Variants in UBR4 observed in about 807,000 individuals in gnomAD.
UBR4 encodes the protein E3 ubiquitin-protein ligase UBR4.
UBR4 carries 124 observed loss-of-function variants against 575.6 expected under a neutral mutation model. The observed-to-expected ratio is 0.22, with a 90% CI of 0.19 to 0.25. The LOEUF (loss-of-function observed/expected upper bound fraction) is 0.25, where lower values mean the gene tolerates loss of function less well. Among genes scored for constraint, UBR4 ranks in the 10% least tolerant of loss-of-function variants. The pLI, the probability that UBR4 is intolerant of heterozygous loss-of-function variation, is 1.00. For missense variants in UBR4, 4,818 were observed against 6,478.8 expected (o/e 0.74, Z 8.80); for synonymous variants, 2,455 against 2,473.7 (o/e 0.99, Z 0.22).
At chr1:19,204,910 T>A (rs901424860) in intron 1 of UBR4, among the ~76,000 whole-genome samples, 1 of 152,014 alleles carries the variant, frequency 6.6e-6, no homozygotes, top group African/African-American at 2.4e-5. Flanking sequence ...TGAGAAAATG[T>A]TAAGACACCA....
chr1:19,196,272 G>A (rs1168720658), intron 8 of UBR4, among the ~76,000 whole-genome samples: 6 of 152,150 alleles, frequency 3.9e-5, no homozygotes, highest in Admixed American at 3.9e-4. Flanking sequence ...GTCTCTGAGA[G>A]CACAAATGCC....
chr1:19,117,989 G>T lies in UBR4; in HGVS notation c.10542-79C>A. ...AGTTTCACAAAAAAATCATGACAAAGCCATGGCTCAATGTGAGCCAAAGTG... is the reference window on the plus strand; with the variant it reads ...AGTTTCACAAAAAAATCATGACAAATCCATGGCTCAATGTGAGCCAAAGTG... On this transcript the variant is annotated intron_variant, in intron 71 of 105. Transcript: ENST00000375254. This position sits in a 1 kb window ranked among gnomAD's most constrained non-coding sequence, Gnocchi z 4.0. 8.4e-6 allele frequency: 12 copies of T among 1,421,872 alleles called. No homozygotes were observed. Among genetic ancestry groups the T allele is most frequent in the Non-Finnish European group, 1.2e-5 (12 of 1,011,230 alleles). The allele number at this position is 1,421,872 out of a possible 1,614,324, so 88.1% of individuals were successfully genotyped here.
intron 8 of UBR4, 91 bp downstream of exon 8, chr1:19,197,050 T>A: frequency 6.8e-7 from 1 of 1,466,568 alleles, no homozygotes; most frequent in Non-Finnish European, 9.3e-7. Context: ...GCAAGGGGGA[T>A]GAGTAGAGTA....
chr1:19,093,100 T>C lies in UBR4; in HGVS notation c.14112-182A>G, dbSNP rs1046610129. On this transcript the variant is annotated intron_variant, in intron 96 of 105. Coordinates refer to ENST00000375254, the MANE Select transcript of UBR4 (RefSeq NM_020765.3). The surrounding 1 kb of genome is among the most constrained non-coding windows in gnomAD (Gnocchi z 4.8). ...AAAAGCCAGAAAGAAGTGAGTACTC[T>C]AAGTAGAAACCAAAAAGTTGCCATC... Among the ~76,000 whole-genome samples, 1 of 152,216 alleles carries C rather than the reference T, an allele frequency of 6.6e-6. No individual in the cohort carries two copies. Among genetic ancestry groups the C allele is most frequent in the African/African-American group, 2.4e-5 (1 of 41,468 alleles).
chr1:19,102,436 G>A (rs747844567), intron 87 of UBR4, among the ~76,000 whole-genome samples: 5 of 151,842 alleles, frequency 3.3e-5, no homozygotes, highest in Non-Finnish European at 5.9e-5. Flanking sequence ...AAAGGTCCCT[G>A]ACGAAGTCAC....
At position 19,111,104 on chromosome 1, in the gene UBR4, A is replaced by G. The variant is rs552419755; in HGVS notation, c.11802-272T>C. Among the ~76,000 whole-genome samples, 3 of 152,320 alleles carry G rather than the reference A, an allele frequency of 2.0e-5. No homozygotes were observed. The East Asian group carries it at 5.8e-4, about 29-fold the overall frequency. On this transcript the variant is annotated intron_variant, in intron 78 of 105. Coordinates refer to ENST00000375254, the MANE Select transcript of UBR4 (RefSeq NM_020765.3). Reference sequence around the variant, plus strand: ...ATGGGGCCCATGTCCCAGGCGACAGAGCCCCTGCTGTCTGGTGTGACACAG... The same window carrying G: ...ATGGGGCCCATGTCCCAGGCGACAGGGCCCCTGCTGTCTGGTGTGACACAG...
intron 90 of UBR4, among the ~76,000 whole-genome samples, chr1:19,098,851 T>G (rs1216797504): frequency 6.6e-6 from 1 of 152,236 alleles, no homozygotes; most frequent in African/African-American, 2.4e-5. Context: ...TACACTAGTT[T>G]GCTGTAATTA....
At position 19,087,820 on chromosome 1, in the gene UBR4, A is replaced by G; in HGVS notation, c.14540T>C (p.Phe4847Ser). The G allele has an allele frequency of 6.2e-7, 1 of 1,609,102 alleles. No individual in the cohort carries two copies. Reference protein sequence around the residue: ...TCCICREGYKFQPTKVLGIYT... With the variant: ...TCCICREGYKSQPTKVLGIYT... ...CCGTAGGCCCAGCAGCTGTACCTGG[A>G]ACTTGTATCCCTCCCTGCAGATGCA... is the stretch of plus-strand genomic sequence containing the variant. Residue 4847 changes from phenylalanine to serine, a missense_variant, in exon 99 of 106, where the codon TTC (phenylalanine) becomes TCC (serine). Physicochemically the swap from Phe to Ser is radical, Grantham distance 155. Transcript: ENST00000375254.
At position 19,169,520 on chromosome 1, in the gene UBR4, A is replaced by C. The variant is rs766568121; in HGVS notation, c.3656T>G (p.Val1219Gly). ...CTGCACTGACGATGGCAAATTCTGA[A>C]CCAGTGTCGGACCTGGAGGCGACAG... ...CKANTLGPTLVQNLPSSVQTV... is the reference protein window; with the variant it reads ...CKANTLGPTLGQNLPSSVQTV... Residue 1219 changes from valine (V) to glycine (G), a missense_variant, in exon 27 of 106, where the codon GTT (valine) becomes GGT (glycine). Physicochemically the swap from Val to Gly is moderately radical, Grantham distance 109. Around this residue, in one of 29 missense-constraint regions of UBR4, gnomAD observed 1,172 missense variants for 1,259.7 expected, o/e 0.93. Transcript: ENST00000375254. 1.2e-6 allele frequency: 2 copies of C among 1,613,774 alleles called. No individual in the cohort carries two copies. Among genetic ancestry groups the C allele is most frequent in the Admixed American group, 3.3e-5 (2 of 59,932 alleles).
Position 19,162,579 on chromosome 1 carries a change from G to A in UBR4, c.4797C>T (p.Ile1599=). 2 of 1,613,926 alleles carry A rather than the reference G, an allele frequency of 1.2e-6. No homozygotes were observed. Among genetic ancestry groups the A allele is most frequent in the Non-Finnish European group, 1.7e-6 (2 of 1,179,936 alleles). ...TCGTGACATCAGCCAAGTAAGACAT[G>A]ATATGGCATGTGCACTCCAAGATCA... is the stretch of plus-strand genomic sequence containing the variant. ...HVMILECTCH[I]MSYLADVTNA... is the part of the protein sequence containing the mutation. The change falls in exon 35 of 106, where the codon ATC becomes ATT. Residue 1599 remains isoleucine (I), a synonymous_variant. Coordinates refer to ENST00000375254, the MANE Select transcript of UBR4 (RefSeq NM_020765.3).
Position 19,100,655 on chromosome 1 carries a change from C to T in UBR4, c.13024-82G>A, listed in dbSNP as rs564763200. On this transcript the variant is annotated intron_variant, in intron 88 of 105. Coordinates refer to ENST00000375254, the MANE Select transcript of UBR4 (RefSeq NM_020765.3). This position sits in a 1 kb window ranked among gnomAD's most constrained non-coding sequence, Gnocchi z 4.2. ...CATGCTACCTTGTTCCATGGACACT[C>T]GAGGAAAACACACCAAACTCAGCAA... The T allele has an allele frequency of 1.5e-5, 21 of 1,380,112 alleles. No homozygotes were observed. The highest frequency in any genetic ancestry group is 2.2e-4 in the Middle Eastern group (1 of 4,524). 85.5% of individuals were successfully genotyped at this position (1,380,112 alleles called of 1,614,324 possible). A position where few individuals can be genotyped will look rare whatever the true frequency, so the allele number is the denominator to read the frequency against.
In UBR4 at chr1:19,110,911, A is replaced by T; in HGVS notation, c.11802-79T>A. On this transcript the variant is annotated intron_variant, in intron 78 of 105. Transcript: ENST00000375254. This position sits in a 1 kb window ranked among gnomAD's most constrained non-coding sequence, Gnocchi z 4.5. ...CCTTTCCACCTGAAGGGGCCCAGGGAAAATGAAATCAATGTCTAAGGCTAC... is the reference window on the plus strand; with the variant it reads ...CCTTTCCACCTGAAGGGGCCCAGGGTAAATGAAATCAATGTCTAAGGCTAC... 1 of 1,426,220 alleles carries T rather than the reference A, an allele frequency of 7.0e-7. No homozygotes were observed. The highest frequency in any genetic ancestry group is 2.3e-5 in the East Asian group (1 of 43,136). 88.3% of individuals were successfully genotyped at this position (1,426,220 alleles called of 1,614,324 possible).
At chr1:19,104,396 C>A in intron 86 of UBR4, 139 bp from the exon 87 acceptor site, 1 of 1,235,230 alleles carries the variant, frequency 8.1e-7, no homozygotes, top group Non-Finnish European at 1.1e-6. Context: ...GTTCAACAAG[C>A]GGAAACAGTC....
chr1:19,186,546 T>A lies in UBR4; in HGVS notation c.1744A>T (p.Ser582Cys). Reference protein sequence around the residue: ...DDFSSTEEDSSQDDDSEPILG... With the variant: ...DDFSSTEEDSCQDDDSEPILG... ...AGAAAAGAGCGGCCTCTACCTTGGC[T>A]GCTGTCCTCCTCCGTGCTACTGAAA... is the stretch of plus-strand genomic sequence containing the variant. Residue 582 changes from serine to cysteine, a missense_variant, in exon 14 of 106, where the codon AGC (serine) becomes TGC (cysteine). By Grantham distance (112) the Ser-to-Cys change is moderately radical. This residue lies in a region of UBR4 where 162 missense variants were observed against 216.4 expected (regional missense o/e 0.75). Transcript: ENST00000375254. 6.2e-7 allele frequency: 1 copy of A among 1,613,888 alleles called. No homozygotes were observed. The highest frequency in any genetic ancestry group is 8.5e-7 in the Non-Finnish European group (1 of 1,179,850).
Position 19,167,093 on chromosome 1 carries a change from G to T in UBR4, c.4038C>A (p.Phe1346Leu), listed in dbSNP as rs2088628296. 6.2e-7 allele frequency: 1 copy of T among 1,614,186 alleles called. No homozygotes were observed. The highest frequency in any genetic ancestry group is 2.2e-5 in the East Asian group (1 of 44,892). The change falls in exon 29 of 106, where the codon TTC becomes TTA. Residue 1346 changes from phenylalanine (F) to leucine (L), a missense_variant. This residue lies in a region of UBR4 where 1,172 missense variants were observed against 1,259.7 expected (regional missense o/e 0.93). Coordinates refer to ENST00000375254, the MANE Select transcript of UBR4 (RefSeq NM_020765.3). ...RILGPAESDEFLARVYEKLIT... is the reference protein window; with the variant it reads ...RILGPAESDELLARVYEKLIT... The stretch of plus-strand genomic sequence containing the variant: ...TCAGCTTCTCATAAACACGAGCCAA[G>T]AACTCATCAGACTCAGCAGGGCCCA...
At chr1:19,158,570 G>A (rs2086788754) in intron 39 of UBR4, among the ~76,000 whole-genome samples, 1 of 151,924 alleles carries the variant, frequency 6.6e-6, no homozygotes, top group South Asian at 2.1e-4. Context: ...CAATCCTCCT[G>A]CCTCAGCCTC....
Position 19,154,935 on chromosome 1 carries a change from G to A in UBR4, c.6441C>T (p.Phe2147=). 6.2e-7 allele frequency: 1 copy of A among 1,614,210 alleles called. No individual in the cohort carries two copies. The highest frequency in any genetic ancestry group is 8.5e-7 in the Non-Finnish European group (1 of 1,180,022). The change falls in exon 44 of 106, where the codon TTC becomes TTT. Residue 2147 remains phenylalanine, a synonymous_variant. Transcript: ENST00000375254. ...SRTTLEVLQL[F]PINIKSSNGG... is the part of the protein sequence containing the mutation. ...ATTCCCACCTTTTGATGTTGATGGGGAAGAGTTGCAACACCTCCAGGGTTG... is the reference window on the plus strand; with the variant it reads ...ATTCCCACCTTTTGATGTTGATGGGAAAGAGTTGCAACACCTCCAGGGTTG...
intron 34 of UBR4, among the ~76,000 whole-genome samples, chr1:19,163,317 T>A (rs2087711682): frequency 6.6e-6 from 1 of 152,224 alleles, no homozygotes; most frequent in Non-Finnish European, 1.5e-5. Flanking sequence ...ATGCAGGATT[T>A]CTGTCAGTTT....
chr1:19,168,283 C>T lies in UBR4; in HGVS notation c.3742-99G>A, dbSNP rs570928400. The T allele has an allele frequency of 1.5e-5, 18 of 1,204,758 alleles. No homozygotes were observed. In the East Asian group the frequency reaches 2.8e-4, roughly 19 times the overall value. 74.6% of individuals were successfully genotyped at this position (1,204,758 alleles called of 1,614,324 possible). ...CTGACATAAACTAAGACCCCACTGA[C>T]GTTTGTAAACAATAGCCTCTACTCA... On this transcript the variant is annotated intron_variant, in intron 27 of 105. Transcript: ENST00000375254.
Sources: allele counts gnomAD v4.1 joint callset (sites outside exome capture counted in the v4.1 genomes callset), GRCh38; gene constraint gnomAD v4.1.1; regional missense constraint gnomAD v4.1.1; non-coding constraint Gnocchi (gnomAD v3.1); transcripts MANE v1.5; gene names NCBI Gene and HGNC (gene_info 2026-07-23, HGNC 2026-07-21).